The following RELA variants were observed in gnomAD, a reference collection of about 807,000 sequenced individuals.
RELA encodes the protein transcription factor p65.
A neutral mutation model predicts 56.7 loss-of-function variants in RELA; 14 were observed. The observed-to-expected ratio is 0.25, with a 90% CI of 0.16 to 0.39. RELA has a LOEUF of 0.39. Among genes scored for constraint, RELA ranks in the 10% least tolerant of loss-of-function variants. RELA has a pLI of 1.00. For missense variants in RELA, 559 were observed against 736.4 expected (o/e 0.76, Z 2.79); for synonymous variants, 315 against 289.7 (o/e 1.09, Z -0.89).
chr11:65,653,749 TGAGAA>T lies in RELA; in HGVS notation c.*624_*628del, dbSNP rs1241551815. ...CAACTTACCCTACTATTAAGGCACT[TGAGAA>T]GAGGGAGAGCAAGGAAGTCCCAGAC... On this transcript the variant is annotated 3_prime_UTR_variant, in exon 11 of 11. Transcript: ENST00000406246. 6.5e-6 allele frequency: 1 copy of T among 154,744 alleles called. No homozygotes were observed. The highest frequency in any genetic ancestry group is 1.4e-5 in the Non-Finnish European group (1 of 69,454). 9.6% of individuals were successfully genotyped at this position (154,744 alleles called of 1,614,324 possible).
intron 9 of RELA, 40 bp downstream of exon 9, chr11:65,655,815 C>T: frequency 6.2e-7 from 1 of 1,613,116 alleles, no homozygotes; most frequent in Non-Finnish European, 8.5e-7. Flanking sequence ...CCCTCCCTGC[C>T]CGCTGCCTTC....
At chr11:65,660,976 T>C (rs1243397901) in intron 4 of RELA, among the ~76,000 whole-genome samples, 5 of 146,524 alleles carry the variant, frequency 3.4e-5, no homozygotes, top group African/African-American at 1.0e-4. Context: ...AAGGTGGAGG[T>C]TGCAGTGAGC....
Position 65,654,392 on chromosome 11 carries a change from G to T in RELA, c.1642C>A (p.Gln548Lys). ...ADMDFSALLS[Q>K]ISS ...GCGTCACCCCCTTAGGAGCTGATCT[G>T]ACTCAGCAGGGCTGAGAAGTCCATG... The change falls in exon 11 of 11, where the codon CAG (glutamine) becomes AAG (lysine). Residue 548 changes from glutamine to lysine, a missense_variant. Physicochemically the swap from Gln to Lys is moderately conservative, Grantham distance 53 (BLOSUM62 1). Transcript: ENST00000406246. The T allele has an allele frequency of 6.2e-7, 1 of 1,613,196 alleles. No homozygotes were observed. The highest frequency in any genetic ancestry group is 1.1e-5 in the South Asian group (1 of 90,876).
intron 1 of RELA, chr11:65,662,542 C>G: frequency 2.3e-6 from 1 of 426,338 alleles, no homozygotes; most frequent in Non-Finnish European, 4.1e-6. Context: ...GGAAACGAAG[C>G]CAGAGCTGCC....
intron 4 of RELA, chr11:65,660,933 G>T: frequency 6.6e-6 from 1 of 152,314 alleles, no homozygotes; most frequent in Non-Finnish European, 1.5e-5. Flanking sequence ...CAGCTATTCG[G>T]GAAGCTGAGG....
Position 65,654,418 on chromosome 11 carries a change from T to C in RELA, c.1616A>G (p.Asp539Gly). 3.1e-6 allele frequency: 5 copies of C among 1,611,952 alleles called. No homozygotes were observed. Among genetic ancestry groups the C allele is most frequent in the Non-Finnish European group, 4.2e-6 (5 of 1,179,152 alleles). The change falls in exon 11 of 11, where the codon GAC becomes GGC. Residue 539 changes from aspartate to glycine, a missense_variant. Asp to Gly is a moderately conservative substitution (Grantham distance 94). Transcript: ENST00000406246. ...SGDEDFSSIA[D>G]MDFSALLSQI... ...ACTCAGCAGGGCTGAGAAGTCCATGTCCGCAATGGAGGAGAAGTCTTCATC... is the reference window on the plus strand; with the variant it reads ...ACTCAGCAGGGCTGAGAAGTCCATGCCCGCAATGGAGGAGAAGTCTTCATC...
intron 4 of RELA, chr11:65,660,698 C>T (rs1226800021): frequency 6.2e-6 from 1 of 160,932 alleles, no homozygotes; most frequent in East Asian, 1.9e-4. Flanking sequence ...AACTGTTACT[C>T]TGACAGCACC....
chr11:65,659,213 C>T (rs77609149), intron 6 of RELA, among the ~76,000 whole-genome samples: 2,369 of 152,276 alleles, frequency 0.016, 67 homozygotes, highest in African/African-American at 0.053. Context: ...CCTGGTTTCC[C>T]ATCCTTGGGG....
chr11:65,662,481 C>G, intron 1 of RELA: 1 of 482,618 alleles, frequency 2.1e-6, no homozygotes, highest in Non-Finnish European at 3.6e-6. Context: ...GAGGGCACGC[C>G]CCACCTCCCT....
In RELA at chr11:65,661,438, C is replaced by T; in HGVS notation, c.335+249G>A. The T allele has an allele frequency of 1.7e-5, 7 of 407,096 alleles. 1 individual carries two copies. Among genetic ancestry groups the T allele is most frequent in the Middle Eastern group, 1.2e-3 (2 of 1,632 alleles). The allele number at this position is 407,096 out of a possible 1,614,324, so 25.2% of individuals were successfully genotyped here. On this transcript the variant is annotated intron_variant, in intron 4 of 10. Transcript: ENST00000406246. ...AGAGACGTGACTCTGAGGGACTTGTCCTTCCAGCTACAGGGGTCAGGAATT... is the reference window on the plus strand; with the variant it reads ...AGAGACGTGACTCTGAGGGACTTGTTCTTCCAGCTACAGGGGTCAGGAATT...
At chr11:65,657,784 G>A (rs1326959169) in intron 8 of RELA, among the ~76,000 whole-genome samples, 2 of 152,196 alleles carry the variant, frequency 1.3e-5, no homozygotes, top group Middle Eastern at 3.2e-3. Context: ...TCTTCCTCAA[G>A]TGACTGAGAC....
chr11:65,655,588 CAGT>C, intron 10 of RELA, 97 bp downstream of exon 10: 2 of 1,150,506 alleles, frequency 1.7e-6, no homozygotes, highest in Non-Finnish European at 2.6e-6. Flanking sequence ...GCCTCTGATT[CAGT>C]AGGTCTGTAA....
At position 65,658,613 on chromosome 11, in the gene RELA, C is replaced by G; in HGVS notation, c.664+105G>C. ...CACCCTTCGGCCCACCTGAGGCCCC[C>G]GAGGCACAGGAGGAAGTATCCAAAG... is the stretch of plus-strand genomic sequence containing the variant. On this transcript the variant is annotated intron_variant, in intron 7 of 10. Transcript: ENST00000406246. The surrounding 1 kb of genome is among the most constrained non-coding windows in gnomAD (Gnocchi z 4.5). The G allele has an allele frequency of 7.3e-7, 1 of 1,377,774 alleles. No homozygotes were observed. The highest frequency in any genetic ancestry group is 1.2e-5 in the South Asian group (1 of 83,152). The allele number at this position is 1,377,774 out of a possible 1,614,324, so 85.3% of individuals were successfully genotyped here. A position where few individuals can be genotyped will look rare whatever the true frequency, so the allele number is the denominator to read the frequency against.
In RELA at chr11:65,655,216, G is replaced by C. The variant is rs1804140205; in HGVS notation, c.1034-216C>G. On this transcript the variant is annotated intron_variant, in intron 10 of 10. Transcript: ENST00000406246. ...CTTGGAGTCCTCCCTGACTACTCAA[G>C]CCCACGAAACTCTTCCAGCCTTTTA... The C allele has an allele frequency of 5.1e-6, 3 of 587,860 alleles. No individual in the cohort carries two copies. The Admixed American group carries it at 9.6e-5, about 19-fold the overall frequency. 36.4% of individuals were successfully genotyped at this position (587,860 alleles called of 1,614,324 possible). A position where few individuals can be genotyped will look rare whatever the true frequency, so the allele number is the denominator to read the frequency against.
Position 65,654,135 on chromosome 11 carries a change from A to C in RELA, c.*243T>G. 3 of 561,818 alleles carry C rather than the reference A, an allele frequency of 5.3e-6. No individual in the cohort carries two copies. Among genetic ancestry groups the C allele is most frequent in the Non-Finnish European group, 6.4e-6 (2 of 310,532 alleles). The allele number at this position is 561,818 out of a possible 1,614,324, so 34.8% of individuals were successfully genotyped here. ...GGGAGCTGACCATCAGGACAGGGGA[A>C]AAGTTTGAGTTTCCCCAGCTCCCCC... On this transcript the variant is annotated 3_prime_UTR_variant, in exon 11 of 11. Transcript: ENST00000406246.
At chr11:65,656,458 A>G (rs1482162199) in intron 8 of RELA, among the ~76,000 whole-genome samples, 1 of 152,168 alleles carries the variant, frequency 6.6e-6, no homozygotes, top group Non-Finnish European at 1.5e-5. Flanking sequence ...TTCAAAGACA[A>G]CCTCATCATC....
At chr11:65,656,157 G>A (rs1190667103) in intron 8 of RELA, among the ~76,000 whole-genome samples, 7 of 152,148 alleles carry the variant, frequency 4.6e-5, no homozygotes, top group African/African-American at 1.7e-4. Flanking sequence ...AGACCACATG[G>A]TGAGGCCGAG....
chr11:65,654,290 G>A lies in RELA; in HGVS notation c.*88C>T, dbSNP rs113681376. ...ACATCCACAAAGTTGGGGGCAGTTG[G>A]AACACACCCCACCAGAATCCGTAAG... On this transcript the variant is annotated 3_prime_UTR_variant, in exon 11 of 11. Transcript: ENST00000406246. The A allele has an allele frequency of 6.0e-5, 94 of 1,563,754 alleles. 3 individuals are homozygous for A. In the African/African-American group the frequency reaches 9.6e-4, roughly 16 times the overall value.
chr11:65,662,677 G>T, intron 1 of RELA, 149 bp downstream of exon 1: 1 of 533,794 alleles, frequency 1.9e-6, no homozygotes, highest in Non-Finnish European at 2.7e-6. Flanking sequence ...CTCCCCGCCT[G>T]CCCCGCCCCG....
Sources: allele counts gnomAD v4.1 joint callset (sites outside exome capture counted in the v4.1 genomes callset), GRCh38; gene constraint gnomAD v4.1.1; non-coding constraint Gnocchi (gnomAD v3.1); transcripts MANE v1.5; gene names NCBI Gene and HGNC (gene_info 2026-07-23, HGNC 2026-07-21).